Variants in CHEK2 observed in about 807,000 individuals in gnomAD.
CHEK2 encodes the protein checkpoint kinase 2.
A neutral mutation model predicts 69.1 loss-of-function variants in CHEK2; 71 were observed. The observed-to-expected ratio is 1.03, with a 90% CI of 0.85 to 1.25. The LOEUF (loss-of-function observed/expected upper bound fraction) is 1.25, where lower values mean the gene tolerates loss of function less well. CHEK2 is among the 50% of genes most tolerant of loss of function. CHEK2 has a pLI of 0.00. For missense variants in CHEK2, 664 were observed against 649.6 expected (o/e 1.02, Z -0.24); for synonymous variants, 189 against 226.9 (o/e 0.83, Z 1.50).
intron 1 of CHEK2, chr22:28,737,357 C>CT (rs2054442586): frequency 2.3e-6 from 1 of 438,764 alleles, no homozygotes; most frequent in African/African-American, 2.1e-5. Context: ...TACAGCTTCT[C>CT]TTTACAATAT....
intron 4 of CHEK2, among the ~76,000 whole-genome samples, chr22:28,720,818 T>A (rs1252154398): frequency 2.0e-5 from 3 of 152,220 alleles, no homozygotes; most frequent in Admixed American, 6.5e-5. Context: ...GAAATTTGAT[T>A]GGCTCTCATG....
intron 4 of CHEK2, among the ~76,000 whole-genome samples, chr22:28,723,611 G>A (rs2347444): frequency 0.95 from 114,500 of 120,884 alleles, 54,215 homozygotes; most frequent in Middle Eastern, 1. Flanking sequence ...GAAAAAAAAA[G>A]AAAAAAAAAA....
chr22:28,735,136 G>A (rs969610396), intron 1 of CHEK2, among the ~76,000 whole-genome samples: 3 of 151,976 alleles, frequency 2.0e-5, no homozygotes, highest in Admixed American at 1.3e-4. Flanking sequence ...GGCCAGGCGC[G>A]GGGGTTCACT....
intron 5 of CHEK2, among the ~76,000 whole-genome samples, chr22:28,718,965 G>A (rs1429050693): frequency 6.6e-6 from 1 of 151,370 alleles, no homozygotes; most frequent in African/African-American, 2.4e-5. Flanking sequence ...GGTGGCTCAC[G>A]CTACTAATCT....
At chr22:28,700,111 T>C (rs1270753226) in intron 8 of CHEK2, among the ~76,000 whole-genome samples, 174 bp from the exon 9 acceptor site, 1 of 152,138 alleles carries the variant, frequency 6.6e-6, no homozygotes, top group East Asian at 1.9e-4. Flanking sequence ...GATGTCCCAG[T>C]TGGAAACTAA....
intron 13 of CHEK2, among the ~76,000 whole-genome samples, chr22:28,691,999 TC>T (rs2052382946): frequency 6.6e-6 from 1 of 152,238 alleles, no homozygotes; most frequent in African/African-American, 2.4e-5. Flanking sequence ...CAATGCTCAT[TC>T]CTCCTTTCAC....
intron 9 of CHEK2, among the ~76,000 whole-genome samples, chr22:28,698,865 C>T (rs1489442726): frequency 6.6e-6 from 1 of 152,146 alleles, no homozygotes; most frequent in Admixed American, 6.6e-5. Context: ...ATCATCACAA[C>T]TTGCAGCTCT....
intron 7 of CHEK2, among the ~76,000 whole-genome samples, chr22:28,707,060 T>C (rs939773042): frequency 1.8e-4 from 27 of 152,126 alleles, no homozygotes; most frequent in African/African-American, 6.5e-4. Context: ...ATGGGTGGGG[T>C]CTGGAGCTAA....
At chr22:28,696,842 TAA>T (rs1276647859) in intron 10 of CHEK2, 57 bp downstream of exon 10, 9 of 1,128,486 alleles carry the variant, frequency 8.0e-6, no homozygotes, top group Non-Finnish European at 9.4e-6. Context: ...TTTGAGGAAT[TAA>T]AAGTTTCTGA....
chr22:28,687,996 A>C lies in CHEK2; in HGVS notation c.1543-10T>G, dbSNP rs1555911654. 1 of 1,588,466 alleles carries C rather than the reference A, an allele frequency of 6.3e-7. No individual in the cohort carries two copies. Among genetic ancestry groups the C allele is most frequent in the Non-Finnish European group, 8.5e-7 (1 of 1,172,928 alleles). ...TTCGACTAGTAGAAGGCTGAAAATA[A>C]AGGAAAATGGAGAAATGTTCAAAAG... On this transcript the variant is annotated splice_polypyrimidine_tract_variant and intron_variant, in intron 14 of 14. Transcript: ENST00000404276.
intron 8 of CHEK2, among the ~76,000 whole-genome samples, chr22:28,702,165 G>GTGTGTGTGTGTT (rs1176932417): frequency 1.3e-5 from 2 of 150,156 alleles, no homozygotes; most frequent in Admixed American, 1.3e-4. Flanking sequence ...GTGTGTGTGT[G>GTGTGTGTGTGTT]TGTGTGTTTT....
At chr22:28,729,558 A>AAAAAAAAG (rs1569163930) in intron 2 of CHEK2, among the ~76,000 whole-genome samples, 3 of 145,388 alleles carry the variant, frequency 2.1e-5, no homozygotes, top group African/African-American at 2.6e-5. Flanking sequence ...AAAAAAAAAA[A>AAAAAAAAG]AAAAAAAGAA....
intron 4 of CHEK2, among the ~76,000 whole-genome samples, chr22:28,723,827 T>A (rs2053891460): frequency 6.6e-6 from 1 of 151,816 alleles, no homozygotes; most frequent in Non-Finnish European, 1.5e-5. Flanking sequence ...CATGTGTCTG[T>A]GGTCACAGCT....
At chr22:28,690,890 GAAGAAAGA>G (rs1169680591) in intron 13 of CHEK2, among the ~76,000 whole-genome samples, 2 of 151,040 alleles carry the variant, frequency 1.3e-5, no homozygotes, top group Non-Finnish European at 3.0e-5. Context: ...AAGGAAGGAG[GAAGAAAGA>G]AAGAAGGAAA....
Position 28,687,927 on chromosome 22 carries a change from C to T in CHEK2, c.1602G>A (p.Lys534=), listed in dbSNP as rs1569102099. 1.3e-6 allele frequency: 2 copies of T among 1,596,430 alleles called. No homozygotes were observed. Among genetic ancestry groups the T allele is most frequent in the South Asian group, 1.1e-5 (1 of 90,990 alleles). The change falls in exon 15 of 15, where the codon AAG becomes AAA. Residue 534 remains lysine (K), a synonymous_variant. Transcript: ENST00000404276. ...ACACAGCAGCACACACAGCTGGGCG[C>T]TTTGTGGTCTCGGCACCCTCGGCTT... ...EGEAEGAETT[K]RPAVCAAVL is the part of the protein sequence containing the mutation.
chr22:28,697,304 T>G (rs932235706), intron 9 of CHEK2, among the ~76,000 whole-genome samples: 2 of 152,052 alleles, frequency 1.3e-5, no homozygotes. Flanking sequence ...TAACAGAAAA[T>G]GTTTTGAGAA....
At chr22:28,726,798 C>T (rs2054027851) in intron 2 of CHEK2, among the ~76,000 whole-genome samples, 1 of 143,240 alleles carries the variant, frequency 7.0e-6, no homozygotes, top group South Asian at 2.3e-4. Flanking sequence ...TCATGGCCTA[C>T]TAGATGCTCA....
intron 9 of CHEK2, among the ~76,000 whole-genome samples, chr22:28,698,602 C>T (rs2145831172): frequency 1.3e-5 from 2 of 152,240 alleles, no homozygotes; most frequent in South Asian, 4.1e-4. Flanking sequence ...AGGATTGCTC[C>T]CAATCACTGC....
rs2052475056 is a variant in CHEK2, at chr22:28,694,137, A to G, written c.1376-20T>C. ...CCAGAGCTAAAGCAACAATTGGGCA[A>G]ATCACAGTGAAAAGGATAAATATAT... On this transcript the variant is annotated intron_variant, in intron 12 of 14. Coordinates refer to ENST00000404276, the MANE Select transcript of CHEK2 (RefSeq NM_007194.4). The G allele has an allele frequency of 6.6e-7, 1 of 1,505,636 alleles. No homozygotes were observed. The allele number at this position is 1,505,636 out of a possible 1,614,324, so 93.3% of individuals were successfully genotyped here. A position where few individuals can be genotyped will look rare whatever the true frequency, so the allele number is the denominator to read the frequency against.
Sources: allele counts gnomAD v4.1 joint callset (sites outside exome capture counted in the v4.1 genomes callset), GRCh38; gene constraint gnomAD v4.1.1; transcripts MANE v1.5; gene names NCBI Gene and HGNC (gene_info 2026-07-23, HGNC 2026-07-21).